USH2A: variants seen among roughly 807,000 people sequenced by gnomAD.
The protein encoded by USH2A is usherin.
In USH2A, 443 loss-of-function variants were observed where a neutral mutation model predicts 538.9. That is an observed-to-expected ratio of 0.82 (90% CI 0.76 to 0.89). The LOEUF (loss-of-function observed/expected upper bound fraction) is 0.89. Among genes scored for constraint, USH2A ranks in the 40% least tolerant of loss-of-function variants. The pLI is 0.00. For synonymous variants in USH2A, 2,413 were observed against 2,273.5 expected (o/e 1.06, Z -1.75); for missense variants, 6,633 against 6,324.8 (o/e 1.05, Z -1.65).
intron 26 of USH2A, chr1:216,079,160 T>C (rs1323403595): frequency 2.0e-5 from 3 of 152,150 alleles, no homozygotes; most frequent in East Asian, 1.9e-4. Context: ...ATAAAAATTA[T>C]GAATTTTTCC....
intron 11 of USH2A, among the ~76,000 whole-genome samples, chr1:216,268,627 G>C (rs1394222475): frequency 1.3e-5 from 2 of 152,078 alleles, no homozygotes; most frequent in Admixed American, 1.3e-4. Flanking sequence ...TTTGCAGCTT[G>C]CACAAGGATC....
Position 216,327,666 on chromosome 1 carries a change from C to CACATGTGCA in USH2A, c.785-21_785-13dup. On this transcript the variant is annotated splice_polypyrimidine_tract_variant and intron_variant, in intron 4 of 71. Coordinates refer to ENST00000307340, the MANE Select transcript of USH2A (RefSeq NM_206933.4). The stretch of plus-strand genomic sequence containing the variant: ...AAACTGCTCTAAACCTGCAAATACA[C>CACATGTGCA]ACATGTGCATAATATAAGAAGTCTC... The CACATGTGCA allele has an allele frequency of 6.2e-7, 1 of 1,612,804 alleles. No homozygotes were observed. Among genetic ancestry groups the CACATGTGCA allele is most frequent in the Non-Finnish European group, 8.5e-7 (1 of 1,179,278 alleles).
intron 11 of USH2A, among the ~76,000 whole-genome samples, chr1:216,286,675 G>T (rs566016730): frequency 6.6e-6 from 1 of 152,266 alleles, no homozygotes; most frequent in East Asian, 1.9e-4. Flanking sequence ...AGTGAGCCAA[G>T]ATTGAGCCAC....
intron 61 of USH2A, among the ~76,000 whole-genome samples, chr1:215,709,711 AT>A (rs1306385155): frequency 2.6e-5 from 4 of 151,490 alleles, no homozygotes; most frequent in Non-Finnish European, 5.9e-5. Flanking sequence ...AGTGCTGACT[AT>A]TATTGGTAAA....
intron 5 of USH2A, among the ~76,000 whole-genome samples, chr1:216,326,188 A>G (rs116143473): frequency 0.015 from 2,230 of 152,320 alleles, 51 homozygotes; most frequent in African/African-American, 0.051. Context: ...CAACAGTCAA[A>G]GAATGCCAAT....
Position 215,702,823 on chromosome 1 carries a change from C to T in USH2A, c.12067-22447G>A, listed in dbSNP as rs547729727. 4.0e-5 allele frequency among the ~76,000 whole-genome samples: 6 copies of T among 151,788 alleles called. 1 individual carries two copies. The highest frequency in any genetic ancestry group is 3.9e-4 in the East Asian group (2 of 5,102). On this transcript the variant is annotated intron_variant, in intron 61 of 71. Transcript: ENST00000307340. Reference sequence around the variant, plus strand: ...CTGAAGCCTATTTCTGTCAGTTTGTCGAAGTCATTCTCCGTCCAGTTTTGT... The same window carrying T: ...CTGAAGCCTATTTCTGTCAGTTTGTTGAAGTCATTCTCCGTCCAGTTTTGT...
chr1:216,054,310 T>C (rs956481328), intron 30 of USH2A, among the ~76,000 whole-genome samples: 3 of 152,166 alleles, frequency 2.0e-5, no homozygotes, highest in African/African-American at 7.2e-5. Flanking sequence ...ACACTCTCTT[T>C]CCTTTGCTGT....
intron 44 of USH2A, among the ~76,000 whole-genome samples, chr1:215,848,397 A>G (rs1663922265): frequency 6.6e-6 from 1 of 152,212 alleles, no homozygotes; most frequent in South Asian, 2.1e-4. Flanking sequence ...TGGGTTATTA[A>G]ATGTGCCTGT....
rs1262742260 is a variant in USH2A, at chr1:215,998,935, A to G, written c.6609T>C (p.His2203=). Residue 2203 remains histidine, a synonymous_variant, in exon 34 of 72, where the codon CAT becomes CAC. Transcript: ENST00000307340. ...IYNSTELFQD[H]MLQYVLPGNK... The stretch of plus-strand genomic sequence containing the variant: ...TACCAGGTAAAACGTATTGTAGCAT[A>G]TGATCCTGGAAAAGTTCTGTACTGT... The G allele has an allele frequency of 6.2e-7, 1 of 1,613,428 alleles. No homozygotes were observed. The highest frequency in any genetic ancestry group is 8.5e-7 in the Non-Finnish European group (1 of 1,179,602).
chr1:215,640,736 T>C lies in USH2A; in HGVS notation c.14792-2A>G, dbSNP rs137853923. On this transcript the variant is annotated splice_acceptor_variant, in intron 67 of 71. Transcript: ENST00000307340. LOFTEE classifies it high-confidence loss of function. ...AAAATGGGGCTCGGTACTGAGGCAC[T>C]GTGGGGAGAAAGTTGTATGTTCTAA... is the stretch of plus-strand genomic sequence containing the variant. 8.7e-6 allele frequency: 14 copies of C among 1,611,466 alleles called. No individual in the cohort carries two copies. The highest frequency in any genetic ancestry group is 1.4e-5 in the African/African-American group (1 of 73,816).
At chr1:216,278,614 C>T (rs2036714838) in intron 11 of USH2A, among the ~76,000 whole-genome samples, 1 of 152,192 alleles carries the variant, frequency 6.6e-6, no homozygotes, top group Non-Finnish European at 1.5e-5. Flanking sequence ...CTCCTCTTTT[C>T]ACATCCTTCA....
At chr1:215,634,750 T>G in intron 69 of USH2A, 47 bp from the exon 70 acceptor site, 2 of 1,614,020 alleles carry the variant, frequency 1.2e-6, no homozygotes, top group Non-Finnish European at 1.7e-6. Context: ...TCAGAAAGCA[T>G]TTTTGTCATC....
chr1:216,207,713 CTTTTT>C (rs33954636), intron 15 of USH2A, among the ~76,000 whole-genome samples: 6 of 129,562 alleles, frequency 4.6e-5, no homozygotes, highest in Admixed American at 7.7e-5. Context: ...CTTTCTTTGC[CTTTTT>C]TTTTTTTTTT....
In USH2A at chr1:215,817,175, A is replaced by T; in HGVS notation, c.9392T>A (p.Val3131Glu). The T allele has an allele frequency of 6.2e-7, 1 of 1,612,314 alleles. No homozygotes were observed. The highest frequency in any genetic ancestry group is 8.5e-7 in the Non-Finnish European group (1 of 1,178,720). ...ITSRSLQIDW[V>E]SPRKPNGIIL... ...GATGCCATTTGGCTTCCGTGGAGACACCCAATCAATTTGAAGAGATCTGCA... is the reference window on the plus strand; with the variant it reads ...GATGCCATTTGGCTTCCGTGGAGACTCCCAATCAATTTGAAGAGATCTGCA... Residue 3131 changes from valine (V) to glutamate (E), a missense_variant, in exon 48 of 72, where the codon GTG becomes GAG. Val to Glu is a moderately radical substitution (Grantham distance 121, BLOSUM62 -2). Coordinates refer to ENST00000307340, the MANE Select transcript of USH2A (RefSeq NM_206933.4).
intron 21 of USH2A, among the ~76,000 whole-genome samples, chr1:216,146,000 T>A (rs1459676418): frequency 2.0e-5 from 3 of 152,170 alleles, no homozygotes; most frequent in South Asian, 2.1e-4. Flanking sequence ...ATAAACAGCT[T>A]TATTGCTCAC....
At chr1:215,769,785 CAT>C (rs1230217401) in intron 55 of USH2A, among the ~76,000 whole-genome samples, 1 of 152,136 alleles carries the variant, frequency 6.6e-6, no homozygotes, top group Admixed American at 6.5e-5. Context: ...GGAGTTCAAA[CAT>C]ATTATCAAAT....
intron 31 of USH2A, among the ~76,000 whole-genome samples, chr1:216,047,996 T>C (rs2030594884): frequency 6.6e-6 from 1 of 152,188 alleles, no homozygotes. Context: ...AAGTTCCAAG[T>C]ACAACAGAAG....
intron 36 of USH2A, among the ~76,000 whole-genome samples, chr1:215,968,744 AT>A (rs751362493): frequency 6.6e-6 from 1 of 152,180 alleles, no homozygotes; most frequent in Non-Finnish European, 1.5e-5. Context: ...CCAGCAAAAT[AT>A]TTAAAAATAG....
At chr1:215,713,415 C>T (rs938404199) in intron 61 of USH2A, among the ~76,000 whole-genome samples, 1 of 152,144 alleles carries the variant, frequency 6.6e-6, no homozygotes, top group African/African-American at 2.4e-5. Flanking sequence ...CACTCAATAG[C>T]TTTGCTAGGC....
Sources: gnomAD v4.1 joint callset for allele counts (sites outside exome capture counted in the v4.1 genomes callset) on GRCh38, gnomAD v4.1.1 for gene constraint, MANE v1.5 for transcripts, NCBI Gene and HGNC (gene_info 2026-07-23, HGNC 2026-07-21) for gene names.